The following SLC12A1 variants were observed in gnomAD, a reference collection of about 807,000 sequenced individuals.
SLC12A1 encodes the protein solute carrier family 12 member 1.
A neutral mutation model predicts 130.4 loss-of-function variants in SLC12A1; 89 were observed. The observed-to-expected ratio is 0.68, with a 90% confidence interval of 0.58 to 0.81. The LOEUF (loss-of-function observed/expected upper bound fraction) is 0.81, where lower values mean the gene tolerates loss of function less well. Ranked by LOEUF, SLC12A1 falls within the 40% of genes least tolerant of loss-of-function variation. The pLI is 0.00. For synonymous variants in SLC12A1, 499 were observed against 460.0 expected, an observed-to-expected ratio of 1.08 and a Z score of -1.09; for missense variants, 1,310 against 1,336.4, an observed-to-expected ratio of 0.98 and a Z score of 0.31.
At chr15:48,209,900 CA>C (rs776259593) in intron 2 of SLC12A1, among the ~76,000 whole-genome samples, 1 of 152,146 alleles carries the variant, frequency 6.6e-6, no homozygotes, top group Non-Finnish European at 1.5e-5. Context: ...AACAGTCTGC[CA>C]AATGGCTGGT....
intron 26 of SLC12A1, among the ~76,000 whole-genome samples, chr15:48,302,339 G>A (rs943023391): frequency 1.3e-5 from 2 of 151,806 alleles, no homozygotes; most frequent in African/African-American, 4.8e-5. Flanking sequence ...TAAGGCTGCC[G>A]GCCGGGCGCG....
At chr15:48,239,648 G>A (rs1297427213) in intron 9 of SLC12A1, among the ~76,000 whole-genome samples, 2 of 151,972 alleles carry the variant, frequency 1.3e-5, no homozygotes, top group African/African-American at 4.8e-5. Context: ...TTTTTGGGGT[G>A]TTTGTTTGTT....
Position 48,246,949 on chromosome 15 carries a change from C to T in SLC12A1, c.1493C>T (p.Ala498Val), listed in dbSNP as rs1366101480. The T allele has an allele frequency of 5.0e-6, 8 of 1,613,816 alleles. No homozygotes were observed. Among genetic ancestry groups the T allele is most frequent in the Admixed American group, 1.7e-5 (1 of 60,002 alleles). Reference protein sequence around the residue: ...MVSGFGPLITAGIFSATLSSA... With the variant: ...MVSGFGPLITVGIFSATLSSA... ...TCAGGGTTCGGCCCCCTCATCACTG[C>T]GGGAATCTTTTCTGCAACACTCTCC... is the stretch of plus-strand genomic sequence containing the variant. The change falls in exon 12 of 27, where the codon GCG becomes GTG. Residue 498 changes from alanine to valine, a missense_variant. Transcript: ENST00000380993.
At chr15:48,220,160 T>TAGAC (rs2041190109) in intron 2 of SLC12A1, among the ~76,000 whole-genome samples, 1 of 147,680 alleles carries the variant, frequency 6.8e-6, no homozygotes, top group Non-Finnish European at 1.5e-5. Context: ...GATAGATAGA[T>TAGAC]AGATAGATAG....
intron 2 of SLC12A1, among the ~76,000 whole-genome samples, chr15:48,214,414 A>C: frequency 6.6e-6 from 1 of 152,228 alleles, no homozygotes. Context: ...AGTTTATTGC[A>C]CATAGCTAAC....
chr15:48,279,210 T>G (rs1405765827), intron 20 of SLC12A1, among the ~76,000 whole-genome samples: 1 of 152,228 alleles, frequency 6.6e-6, no homozygotes, highest in East Asian at 1.9e-4. Flanking sequence ...CTTATTAGAT[T>G]TTGAATTGGA....
chr15:48,214,887 TAAAAG>T (rs2041100531), intron 2 of SLC12A1, among the ~76,000 whole-genome samples: 2 of 152,048 alleles, frequency 1.3e-5, no homozygotes, highest in Admixed American at 6.6e-5. Context: ...ATGACAATAA[TAAAAG>T]AAAGTTTAAA....
Position 48,246,985 on chromosome 15 carries a change from C to T in SLC12A1, c.1529C>T (p.Ala510Val). 2.5e-6 allele frequency: 4 copies of T among 1,613,944 alleles called. No individual in the cohort carries two copies. Among genetic ancestry groups the T allele is most frequent in the Non-Finnish European group, 3.4e-6 (4 of 1,179,834 alleles). Residue 510 changes from alanine (A) to valine (V), a missense_variant, in exon 12 of 27, where the codon GCC becomes GTC. Transcript: ENST00000380993. ...IFSATLSSALASLVSAPKVFQ... is the reference protein window; with the variant it reads ...IFSATLSSALVSLVSAPKVFQ... ...TCTGCAACACTCTCCTCCGCCCTGG[C>T]CTCCCTTGTCAGCGCACCCAAAGTG...
At chr15:48,257,269 G>A (rs1003950572) in intron 16 of SLC12A1, among the ~76,000 whole-genome samples, 4 of 152,140 alleles carry the variant, frequency 2.6e-5, no homozygotes, top group Admixed American at 6.5e-5. Flanking sequence ...ACTGGCTGGT[G>A]TTGAGTGTCT....
rs2041002466 is a variant in SLC12A1 at position 48,208,015 on chromosome 15, A to C, written c.296A>C (p.Gln99Pro). Reference sequence around the variant, plus strand: ...TCTCACACAAACACATACTATCTACAAACTTTTGGCCACAACACCATGGAT... The same window carrying C: ...TCTCACACAAACACATACTATCTACCAACTTTTGGCCACAACACCATGGAT... Reference protein sequence around the residue: ...YDSHTNTYYLQTFGHNTMDAV... With the variant: ...YDSHTNTYYLPTFGHNTMDAV... The change falls in exon 2 of 27, where the codon CAA becomes CCA. Residue 99 changes from glutamine to proline, a missense_variant. Coordinates refer to ENST00000380993, the MANE Select transcript of SLC12A1 (RefSeq NM_000338.3). 1.2e-6 allele frequency: 2 copies of C among 1,613,860 alleles called. No individual in the cohort carries two copies. The highest frequency in any genetic ancestry group is 1.7e-6 in the Non-Finnish European group (2 of 1,179,894).
rs1486744140 is a variant in SLC12A1 at position 48,234,906 on chromosome 15, C to T, written c.1117C>T (p.Arg373Cys). 1.9e-5 allele frequency: 31 copies of T among 1,613,742 alleles called. No homozygotes were observed. The highest frequency in any genetic ancestry group is 1.6e-4 in the Middle Eastern group (1 of 6,084). ...AATATTTGCAGAAAACTTTGGGCCA[C>T]GCTTCACAAAGGGTGAAGGCTTCTT... is the stretch of plus-strand genomic sequence containing the variant. ...ASIFAENFGP[R>C]FTKGEGFFSV... The change falls in exon 9 of 27, where the codon CGC (arginine) becomes TGC (cysteine). Residue 373 changes from arginine to cysteine, a missense_variant. Transcript: ENST00000380993.
chr15:48,245,006 A>G (rs2041561626), intron 11 of SLC12A1, 102 bp downstream of exon 11: 3 of 1,067,890 alleles, frequency 2.8e-6, no homozygotes, highest in South Asian at 2.9e-5. Flanking sequence ...TTATTGGCTG[A>G]TAAGAATCCA....
chr15:48,255,633 C>G (rs2141070545), intron 15 of SLC12A1, among the ~76,000 whole-genome samples, 178 bp from the exon 16 acceptor site: 1 of 152,238 alleles, frequency 6.6e-6, no homozygotes, highest in South Asian at 2.1e-4. Flanking sequence ...ACGTAGTATT[C>G]ATAGAAGGAT....
intron 15 of SLC12A1, among the ~76,000 whole-genome samples, chr15:48,254,607 AAAAAAAAAAAAAAAAAAAAAAAAC>A (rs2041682968): frequency 3.4e-5 from 3 of 89,450 alleles, no homozygotes; most frequent in South Asian, 3.6e-4. Context: ...AAAAAAAAAA[AAAAAAAAAAAAAAAAAAAAAAAAC>A]CCAAAAAAGA....
At chr15:48,247,543 T>C (rs1445611819) in intron 13 of SLC12A1, 83 bp downstream of exon 13, 7 of 1,108,776 alleles carry the variant, frequency 6.3e-6, no homozygotes, top group Non-Finnish European at 7.6e-6. Flanking sequence ...TTTGAAAAAT[T>C]ACTCGTTTTA....
intron 4 of SLC12A1, chr15:48,224,648 T>G (rs1273010032): frequency 6.6e-6 from 1 of 152,148 alleles, no homozygotes; most frequent in Admixed American, 6.5e-5. Context: ...GCATCCAAAA[T>G]TGTCTCTGGT....
At chr15:48,284,558 TG>T (rs1374453641) in intron 20 of SLC12A1, among the ~76,000 whole-genome samples, 1 of 152,260 alleles carries the variant, frequency 6.6e-6, no homozygotes, top group Non-Finnish European at 1.5e-5. Flanking sequence ...TGTAACTTCA[TG>T]TATCATAACT....
intron 11 of SLC12A1, 146 bp from the exon 12 acceptor site, chr15:48,246,763 G>A: frequency 2.8e-6 from 2 of 714,332 alleles, no homozygotes; most frequent in Non-Finnish European, 2.5e-6. Context: ...CTGGGCGATA[G>A]AGCGAGACTG....
chr15:48,252,165 T>C (rs1202752129), intron 15 of SLC12A1, among the ~76,000 whole-genome samples: 3 of 152,162 alleles, frequency 2.0e-5, no homozygotes, highest in Admixed American at 6.5e-5. Context: ...ATCACACCAC[T>C]GCACTCCAAC....
Sources: allele counts gnomAD v4.1 joint callset (sites outside exome capture counted in the v4.1 genomes callset), GRCh38; gene constraint gnomAD v4.1.1; transcripts MANE v1.5; gene names NCBI Gene and HGNC (gene_info 2026-07-23, HGNC 2026-07-21).